Variants in ANKRD29 observed in about 807,000 individuals in gnomAD.
The protein encoded by ANKRD29 is ankyrin repeat domain 29.
ANKRD29 carries 32 observed loss-of-function variants against 38.0 expected under a neutral mutation model. The ratio of observed to expected loss-of-function variants is 0.84; its 90% confidence interval spans 0.64 to 1.13. The LOEUF is 1.13. Ranked by LOEUF, ANKRD29 falls within the 50% of genes most tolerant of loss-of-function variation. The pLI, the probability that ANKRD29 is intolerant of heterozygous loss-of-function variation, is 0.00. For missense variants in ANKRD29, 357 were observed against 377.9 expected, an observed-to-expected ratio of 0.94 and a Z score of 0.46; for synonymous variants, 135 against 152.4, an observed-to-expected ratio of 0.89 and a Z score of 0.84.
intron 6 of ANKRD29, among the ~76,000 whole-genome samples, chr18:23,628,644 T>C (rs1489368436): frequency 6.6e-6 from 1 of 152,140 alleles, no homozygotes; most frequent in Non-Finnish European, 1.5e-5. Context: ...GAGACCAGCC[T>C]GGGCAACATG....
chr18:23,628,413 C>T (rs1483357281), intron 6 of ANKRD29, among the ~76,000 whole-genome samples: 1 of 152,138 alleles, frequency 6.6e-6, no homozygotes, highest in Non-Finnish European at 1.5e-5. Flanking sequence ...TATGTGAACA[C>T]AGAGAGGCAT....
Position 23,629,932 on chromosome 18 carries a change from A to G in ANKRD29, c.449T>C (p.Phe150Ser). Residue 150 changes from phenylalanine (F) to serine (S), a missense_variant, in exon 6 of 10, where the codon TTC (phenylalanine) becomes TCC (serine). Coordinates refer to ENST00000592179, the MANE Select transcript of ANKRD29 (RefSeq NM_173505.4). ...DQLYDGATAL[F>S]LAAQGGYLDV... ...CAAGTAACCACCTTGGGCAGCTAGGAAGAGGGCAGTGGCTCCATCCTGAGA... is the reference window on the plus strand; with the variant it reads ...CAAGTAACCACCTTGGGCAGCTAGGGAGAGGGCAGTGGCTCCATCCTGAGA... 1 of 1,614,124 alleles carries G rather than the reference A, an allele frequency of 6.2e-7. No individual in the cohort carries two copies. The highest frequency in any genetic ancestry group is 8.5e-7 in the Non-Finnish European group (1 of 1,179,988).
intron 4 of ANKRD29, among the ~76,000 whole-genome samples, chr18:23,638,201 C>T (rs2060027878): frequency 6.6e-6 from 1 of 151,970 alleles, no homozygotes; most frequent in African/African-American, 2.4e-5. Flanking sequence ...AGGGTTTCAC[C>T]ATGTTGATCA....
chr18:23,655,383 C>T (rs993621397), intron 1 of ANKRD29, among the ~76,000 whole-genome samples: 3 of 152,186 alleles, frequency 2.0e-5, no homozygotes, highest in African/African-American at 7.2e-5. Flanking sequence ...CCCACTCCAA[C>T]CTGGCTGGGG....
chr18:23,655,135 A>C (rs991043013), intron 1 of ANKRD29, among the ~76,000 whole-genome samples: 1 of 152,166 alleles, frequency 6.6e-6, no homozygotes, highest in Non-Finnish European at 1.5e-5. Context: ...CTTAACAAAC[A>C]TCAAGCCTGT....
rs568540085 is a variant in ANKRD29 at position 23,662,877 on chromosome 18, C to A, written c.-147G>T. ...CTCCCGCCGCCCGGCCCGGCAGCAGCCGCCGCACACAGGGCCGGGCCGAAG... is the reference window on the plus strand; with the variant it reads ...CTCCCGCCGCCCGGCCCGGCAGCAGACGCCGCACACAGGGCCGGGCCGAAG... On this transcript the variant is annotated 5_prime_UTR_variant, in exon 1 of 10. Transcript: ENST00000592179. 447 of 657,888 alleles carry A rather than the reference C, an allele frequency of 6.8e-4. 1 individual carries two copies. The highest frequency in any genetic ancestry group is 8.0e-4 in the Non-Finnish European group (419 of 521,714). 40.8% of individuals were successfully genotyped at this position (657,888 alleles called of 1,614,324 possible).
At chr18:23,638,778 T>G in intron 4 of ANKRD29, 71 bp downstream of exon 4, 1 of 1,206,874 alleles carries the variant, frequency 8.3e-7, no homozygotes, top group African/African-American at 1.5e-5. Context: ...GTACCATAGA[T>G]GAGGAGAAAA....
intron 3 of ANKRD29, among the ~76,000 whole-genome samples, chr18:23,639,669 G>T (rs2060048022): frequency 6.6e-6 from 1 of 151,846 alleles, no homozygotes; most frequent in Non-Finnish European, 1.5e-5. Context: ...CCAAGTAGCT[G>T]GGATTACAGG....
At chr18:23,651,480 A>G (rs2060210610) in intron 1 of ANKRD29, among the ~76,000 whole-genome samples, 1 of 152,226 alleles carries the variant, frequency 6.6e-6, no homozygotes, top group Admixed American at 6.5e-5. Context: ...GCCTTTTAAC[A>G]AAGAGATTGC....
At chr18:23,626,003 T>A (rs2059857542) in intron 6 of ANKRD29, among the ~76,000 whole-genome samples, 1 of 152,170 alleles carries the variant, frequency 6.6e-6, no homozygotes, top group East Asian at 1.9e-4. Flanking sequence ...GTCGATACAC[T>A]TTTTCTGAGT....
intron 3 of ANKRD29, among the ~76,000 whole-genome samples, chr18:23,642,498 T>TG (rs928718528): frequency 6.6e-6 from 1 of 152,200 alleles, no homozygotes; most frequent in African/African-American, 2.4e-5. Context: ...TTGTGTGCAG[T>TG]GGCTGGACCC....
chr18:23,650,618 T>G (rs933083225), intron 1 of ANKRD29, among the ~76,000 whole-genome samples: 2 of 152,200 alleles, frequency 1.3e-5, no homozygotes, highest in Non-Finnish European at 2.9e-5. Flanking sequence ...AGAACTGGCT[T>G]TGGGACCAGA....
intron 9 of ANKRD29, among the ~76,000 whole-genome samples, chr18:23,608,481 T>C (rs1266626742): frequency 2.0e-5 from 3 of 152,244 alleles, no homozygotes; most frequent in Non-Finnish European, 4.4e-5. Flanking sequence ...AAAATACTTA[T>C]AACCATTATT....
intron 3 of ANKRD29, among the ~76,000 whole-genome samples, chr18:23,640,998 G>A (rs1274189725): frequency 6.6e-6 from 1 of 152,132 alleles, no homozygotes; most frequent in Non-Finnish European, 1.5e-5. Flanking sequence ...GTGTGGGATG[G>A]GAGTGGGGAC....
chr18:23,627,721 C>T (rs918963719), intron 6 of ANKRD29, among the ~76,000 whole-genome samples: 1 of 152,110 alleles, frequency 6.6e-6, no homozygotes, highest in South Asian at 2.1e-4. Context: ...ATCTTGATAA[C>T]CTCACATTCT....
At chr18:23,610,972 G>A (rs552255270) in intron 9 of ANKRD29, among the ~76,000 whole-genome samples, 6 of 152,352 alleles carry the variant, frequency 3.9e-5, no homozygotes, top group South Asian at 2.1e-4. Flanking sequence ...GGGCCTTTGC[G>A]CCTGGCGCAT....
At position 23,616,725 on chromosome 18, in the gene ANKRD29, AT is replaced by A. The variant is rs1254907448; in HGVS notation, c.723+1006del. On this transcript the variant is annotated intron_variant, in intron 8 of 9. Coordinates refer to ENST00000592179, the MANE Select transcript of ANKRD29 (RefSeq NM_173505.4). ...TTAGTAATTAGTAATATTTATTACT[AT>A]TTACTATTTAGTAATATTTACTAAA... Among the ~76,000 whole-genome samples, 4 of 146,446 alleles carry A rather than the reference AT, an allele frequency of 2.7e-5. No homozygotes were observed. The South Asian group carries it at 8.4e-4, about 31-fold the overall frequency.
At chr18:23,632,333 C>T (rs1263671331) in intron 5 of ANKRD29, among the ~76,000 whole-genome samples, 1 of 151,724 alleles carries the variant, frequency 6.6e-6, no homozygotes, top group Non-Finnish European at 1.5e-5. Context: ...TGGTTCTGCC[C>T]CGCCCATCCA....
At chr18:23,614,882 G>T (rs1253733794) in intron 8 of ANKRD29, among the ~76,000 whole-genome samples, 2 of 152,146 alleles carry the variant, frequency 1.3e-5, no homozygotes, top group African/African-American at 4.8e-5. Flanking sequence ...GACTCTGAGA[G>T]GACAGTCCTA....
Sources: gnomAD v4.1 joint callset for allele counts (sites outside exome capture counted in the v4.1 genomes callset) on GRCh38, gnomAD v4.1.1 for gene constraint, MANE v1.5 for transcripts, NCBI Gene and HGNC (gene_info 2026-07-23, HGNC 2026-07-21) for gene names.